The following PDGFRL variants were observed in gnomAD, a reference collection of about 807,000 sequenced individuals.
PDGFRL encodes platelet-derived growth factor receptor-like protein.
In PDGFRL, 46 loss-of-function variants were observed where a neutral mutation model predicts 37.2. That is an observed-to-expected ratio of 1.24 (90% CI 0.98 to 1.58). The LOEUF is 1.58. Ranked by LOEUF, PDGFRL falls within the 40% of genes most tolerant of loss-of-function variation. PDGFRL has a pLI of 0.00. For missense variants in PDGFRL, 692 were observed against 467.6 expected (o/e 1.48, Z -4.43); for synonymous variants, 251 against 184.3 (o/e 1.36, Z -2.93).
At chr8:17,642,350 A>G (rs1805144872) in intron 5 of PDGFRL, among the ~76,000 whole-genome samples, 1 of 152,260 alleles carries the variant, frequency 6.6e-6, no homozygotes, top group South Asian at 2.1e-4. Flanking sequence ...TACATTTTAG[A>G]TTAAGTAAAA....
intron 3 of PDGFRL, among the ~76,000 whole-genome samples, chr8:17,623,847 C>G (rs1444822882): frequency 1.4e-5 from 2 of 144,622 alleles, no homozygotes; most frequent in East Asian, 4.1e-4. Context: ...GCACTCCAAC[C>G]TGGGCGACAG....
chr8:17,619,364 A>G (rs1804588314), intron 2 of PDGFRL, among the ~76,000 whole-genome samples: 1 of 152,250 alleles, frequency 6.6e-6, no homozygotes, highest in East Asian at 1.9e-4. Flanking sequence ...GCTAGTGTTT[A>G]ATAATAAATA....
In PDGFRL at chr8:17,621,168, G is replaced by A. The variant is rs1365658248; in HGVS notation, c.471G>A (p.Glu157=). 1.9e-6 allele frequency: 3 copies of A among 1,610,302 alleles called. No homozygotes were observed. The highest frequency in any genetic ancestry group is 2.5e-6 in the Non-Finnish European group (3 of 1,177,580). Residue 157 remains glutamate, a synonymous_variant, in exon 3 of 6, where the codon GAG becomes GAA. Coordinates refer to ENST00000251630, the MANE Select transcript of PDGFRL (RefSeq NM_001372073.1). ...GCGGCTACATCTGCAGGAAGGACGAGGCCAAAACGGGCTCCACCTACATCT... is the reference window on the plus strand; with the variant it reads ...GCGGCTACATCTGCAGGAAGGACGAAGCCAAAACGGGCTCCACCTACATCT... ...LCSGYICRKD[E]AKTGSTYIFF...
intron 2 of PDGFRL, among the ~76,000 whole-genome samples, chr8:17,611,741 C>A (rs549419478): frequency 1.3e-5 from 2 of 152,106 alleles, no homozygotes; most frequent in Admixed American, 6.6e-5. Flanking sequence ...ATATTTAGAA[C>A]TGGAGGTAAT....
In PDGFRL at chr8:17,634,187, T is replaced by C. The variant is rs771703476; in HGVS notation, c.913T>C (p.Phe305Leu). 5 of 1,613,136 alleles carry C rather than the reference T, an allele frequency of 3.1e-6. No individual in the cohort carries two copies. In the East Asian group the frequency reaches 1.1e-4, roughly 36 times the overall value. ...VLGEPDVEVE[F>L]TWIFPGQKDE... Reference sequence around the variant, plus strand: ...GGGGGAGCCCGATGTGGAGGTGGAGTTCACCTGGATCTTCCCAGGGCAGAA... The same window carrying C: ...GGGGGAGCCCGATGTGGAGGTGGAGCTCACCTGGATCTTCCCAGGGCAGAA... The change falls in exon 5 of 6, where the codon TTC becomes CTC. Residue 305 changes from phenylalanine to leucine, a missense_variant. Physicochemically the swap from Phe to Leu is conservative, Grantham distance 22 (BLOSUM62 0). Coordinates refer to ENST00000251630, the MANE Select transcript of PDGFRL (RefSeq NM_001372073.1).
chr8:17,589,901 G>C (rs974298035), intron 2 of PDGFRL, 136 bp downstream of exon 2: 1 of 618,232 alleles, frequency 1.6e-6, no homozygotes, highest in Non-Finnish European at 2.8e-6. Flanking sequence ...GAAGCTCAAA[G>C]GGCAAAAGTC....
At chr8:17,623,944 A>G (rs768927070) in intron 3 of PDGFRL, among the ~76,000 whole-genome samples, 1 of 151,562 alleles carries the variant, frequency 6.6e-6, no homozygotes, top group Non-Finnish European at 1.5e-5. Context: ...TAACTGAACT[A>G]ATTTTGGGAA....
At chr8:17,638,140 G>T (rs939128649) in intron 5 of PDGFRL, among the ~76,000 whole-genome samples, 1 of 152,176 alleles carries the variant, frequency 6.6e-6, no homozygotes, top group East Asian at 1.9e-4. Flanking sequence ...ACCTTAGATT[G>T]TCTATTTGTG....
intron 4 of PDGFRL, among the ~76,000 whole-genome samples, chr8:17,633,418 C>T (rs1804901942): frequency 6.6e-6 from 1 of 152,154 alleles, no homozygotes; most frequent in Admixed American, 6.5e-5. Context: ...GTCCCAGCTA[C>T]TCTGGAGGCT....
chr8:17,635,280 C>G (rs1229331391), intron 5 of PDGFRL, among the ~76,000 whole-genome samples: 1 of 152,084 alleles, frequency 6.6e-6, no homozygotes, highest in East Asian at 1.9e-4. Context: ...TTTTATCTCT[C>G]ACCCCTCCCC....
chr8:17,624,937 G>T (rs903474805), intron 3 of PDGFRL, among the ~76,000 whole-genome samples: 1 of 151,570 alleles, frequency 6.6e-6, no homozygotes, highest in African/African-American at 2.4e-5. Flanking sequence ...GTTGTAATTT[G>T]GATTTAGTTT....
chr8:17,618,218 G>A (rs941510168), intron 2 of PDGFRL, among the ~76,000 whole-genome samples: 2 of 151,988 alleles, frequency 1.3e-5, no homozygotes, highest in Admixed American at 1.3e-4. Flanking sequence ...TACCATGCCT[G>A]GCTAATGTTT....
intron 2 of PDGFRL, among the ~76,000 whole-genome samples, chr8:17,606,048 T>C (rs1804269242): frequency 6.6e-6 from 1 of 152,180 alleles, no homozygotes; most frequent in Non-Finnish European, 1.5e-5. Context: ...AGGGAGAGTC[T>C]GGAAGACATT....
In PDGFRL at chr8:17,642,853, T is replaced by C. The variant is rs1221236936; in HGVS notation, c.*52T>C. 1 of 1,219,066 alleles carries C rather than the reference T, an allele frequency of 8.2e-7. No homozygotes were observed. 75.5% of individuals were successfully genotyped at this position (1,219,066 alleles called of 1,614,324 possible). ...ATGGAAAGCCCATTTGTGTACACAG[T>C]CAGCTTTGGGGTTCCTTTTATTAGT... is the stretch of plus-strand genomic sequence containing the variant. On this transcript the variant is annotated 3_prime_UTR_variant, in exon 6 of 6. Coordinates refer to ENST00000251630, the MANE Select transcript of PDGFRL (RefSeq NM_001372073.1).
At chr8:17,635,292 C>A (rs547598384) in intron 5 of PDGFRL, among the ~76,000 whole-genome samples, 1 of 152,222 alleles carries the variant, frequency 6.6e-6, no homozygotes, top group African/African-American at 2.4e-5. Context: ...CCCCTCCCCC[C>A]AACCCTTTCC....
intron 3 of PDGFRL, among the ~76,000 whole-genome samples, chr8:17,627,616 C>T (rs574161088): frequency 5.2e-4 from 78 of 151,026 alleles, no homozygotes; most frequent in African/African-American, 1.8e-3. Flanking sequence ...ACTACAGGCG[C>T]GCACCACCAC....
intron 3 of PDGFRL, among the ~76,000 whole-genome samples, chr8:17,623,206 A>G (rs1217919395): frequency 1.3e-5 from 2 of 152,220 alleles, no homozygotes; most frequent in Non-Finnish European, 2.9e-5. Context: ...CCCAGGATCC[A>G]GTGTTTTTAC....
chr8:17,635,679 T>C (rs35434126), intron 5 of PDGFRL, among the ~76,000 whole-genome samples: 36 of 152,214 alleles, frequency 2.4e-4, no homozygotes, highest in Non-Finnish European at 3.5e-4. Context: ...GTTCTACTTT[T>C]AGTTCTTTAA....
intron 2 of PDGFRL, among the ~76,000 whole-genome samples, chr8:17,614,867 G>A (rs1300441929): frequency 6.6e-5 from 10 of 152,170 alleles, no homozygotes; most frequent in Non-Finnish European, 1.5e-4. Context: ...TTTGAACTGA[G>A]CTTCAAATTC....
Sources: allele counts gnomAD v4.1 joint callset (sites outside exome capture counted in the v4.1 genomes callset), GRCh38; gene constraint gnomAD v4.1.1; transcripts MANE v1.5; gene names NCBI Gene and HGNC (gene_info 2026-07-23, HGNC 2026-07-21).